Variants in FMN2 observed in about 807,000 individuals in gnomAD.
FMN2 encodes the protein formin 2.
A neutral mutation model predicts 142.3 loss-of-function variants in FMN2; 51 were observed. The ratio of observed to expected loss-of-function variants is 0.36; its 90% CI spans 0.29 to 0.45. The LOEUF is 0.45. Ranked by LOEUF, FMN2 falls within the 20% of genes least tolerant of loss-of-function variation. FMN2 has a pLI of 1.00. For synonymous variants in FMN2, 882 were observed against 869.8 expected, an observed-to-expected ratio of 1.01 and a Z score of -0.25; for missense variants, 1,936 against 2,122.8, an observed-to-expected ratio of 0.91 and a Z score of 1.73.
At chr1:240,313,947 G>T (rs751593204) in intron 8 of FMN2, among the ~76,000 whole-genome samples, 1 of 152,110 alleles carries the variant, frequency 6.6e-6, no homozygotes. Context: ...GCACACTTCA[G>T]CCTGGGCAAC....
chr1:240,131,442 C>T (rs1662732285), intron 2 of FMN2, among the ~76,000 whole-genome samples: 3 of 152,204 alleles, frequency 2.0e-5, no homozygotes, highest in Admixed American at 2.0e-4. Context: ...TGCGGTGGCT[C>T]ACACGCCTGT....
chr1:240,407,871 A>G (rs977350654), intron 15 of FMN2, among the ~76,000 whole-genome samples: 10 of 152,152 alleles, frequency 6.6e-5, no homozygotes, highest in African/African-American at 1.4e-4. Context: ...ATATGTTTTA[A>G]TCCCTCTAGT....
intron 2 of FMN2, among the ~76,000 whole-genome samples, chr1:240,128,472 C>T (rs1166161826): frequency 6.6e-6 from 1 of 152,094 alleles, no homozygotes; most frequent in Non-Finnish European, 1.5e-5. Context: ...CTACTTAATC[C>T]TTCATGAGCT....
At chr1:240,148,423 A>G (rs1663604790) in intron 2 of FMN2, among the ~76,000 whole-genome samples, 1 of 147,966 alleles carries the variant, frequency 6.8e-6, no homozygotes, top group Non-Finnish European at 1.5e-5. Flanking sequence ...CAGACAGGAA[A>G]GATACAGAAA....
Position 240,331,044 on chromosome 1 carries a change from A to G in FMN2, c.4584+295A>G, listed in dbSNP as rs2103015457. Among the ~76,000 whole-genome samples, 2 of 152,268 alleles carry G rather than the reference A, an allele frequency of 1.3e-5. 1 individual carries two copies. The highest frequency in any genetic ancestry group is 4.1e-4 in the South Asian group (2 of 4,820). ...TTAATATAAAACAATAATTTCTTTT[A>G]CCATATCTTTCCCATGTCTGCTAAT... On this transcript the variant is annotated intron_variant, in intron 11 of 17. Coordinates refer to ENST00000319653, the MANE Select transcript of FMN2 (RefSeq NM_020066.5).
chr1:240,334,446 T>G (rs1280123960), intron 13 of FMN2, among the ~76,000 whole-genome samples: 1 of 152,252 alleles, frequency 6.6e-6, no homozygotes, highest in Admixed American at 6.5e-5. Context: ...ATATCTTGGT[T>G]ATTTCAATTA....
chr1:240,127,965 G>A (rs568013648), intron 2 of FMN2, among the ~76,000 whole-genome samples: 59 of 152,292 alleles, frequency 3.9e-4, no homozygotes, highest in Admixed American at 2.7e-3. Context: ...TGGGACTTCT[G>A]GTGGGGCAGA....
At chr1:240,145,708 C>A (rs987307057) in intron 2 of FMN2, among the ~76,000 whole-genome samples, 1 of 151,740 alleles carries the variant, frequency 6.6e-6, no homozygotes. Flanking sequence ...CAGGTTCTGG[C>A]TATGTTGCAC....
intron 14 of FMN2, among the ~76,000 whole-genome samples, chr1:240,364,314 C>T (rs564583167): frequency 1.3e-5 from 2 of 152,040 alleles, no homozygotes; most frequent in South Asian, 2.1e-4. Flanking sequence ...GTGGTAGAAA[C>T]CATAAATACA....
At chr1:240,104,784 G>A (rs994595439) in intron 1 of FMN2, among the ~76,000 whole-genome samples, 1 of 152,072 alleles carries the variant, frequency 6.6e-6, no homozygotes, top group Non-Finnish European at 1.5e-5. Context: ...AAGTCCTGCT[G>A]GGTTGTTCAA....
intron 7 of FMN2, among the ~76,000 whole-genome samples, chr1:240,292,303 G>C (rs1299368447): frequency 2.0e-5 from 3 of 152,096 alleles, no homozygotes; most frequent in African/African-American, 7.2e-5. Flanking sequence ...AAATAAGTAA[G>C]TAGGTAAGTA....
At chr1:240,462,614 GCAT>G (rs1293574480) in intron 16 of FMN2, among the ~76,000 whole-genome samples, 1 of 152,108 alleles carries the variant, frequency 6.6e-6, no homozygotes, top group East Asian at 1.9e-4. Flanking sequence ...GTTTTACTGT[GCAT>G]CATCATCCAT....
At chr1:240,122,333 G>T (rs1302074904) in intron 1 of FMN2, among the ~76,000 whole-genome samples, 1 of 151,944 alleles carries the variant, frequency 6.6e-6, no homozygotes, top group South Asian at 2.1e-4. Flanking sequence ...GTGCGATCTC[G>T]GCTCACTGCA....
At position 240,092,166 on chromosome 1, in the gene FMN2, C is replaced by A; in HGVS notation, c.57C>A (p.Gly19=). ...GCGCAGGTGATGCTTTGCACGAAGG[C>A]GGCGGTGGCGCCGAGGATGCGCTGG... is the stretch of plus-strand genomic sequence containing the variant. ...KRSAGDALHE[G]GGGAEDALGP... is the part of the protein sequence containing the mutation. The change falls in exon 1 of 18, where the codon GGC becomes GGA. Residue 19 remains glycine, a synonymous_variant. Transcript: ENST00000319653. The A allele has an allele frequency of 1.3e-6, 2 of 1,574,830 alleles. No homozygotes were observed. Among genetic ancestry groups the A allele is most frequent in the Non-Finnish European group, 8.6e-7 (1 of 1,160,962 alleles).
intron 16 of FMN2, among the ~76,000 whole-genome samples, chr1:240,452,019 G>A (rs950885341): frequency 6.6e-5 from 10 of 151,902 alleles, no homozygotes; most frequent in South Asian, 2.1e-4. Flanking sequence ...GTGAAACCCC[G>A]TCTCTACTAA....
At chr1:240,445,646 G>T (rs1434916901) in intron 16 of FMN2, among the ~76,000 whole-genome samples, 3 of 151,880 alleles carry the variant, frequency 2.0e-5, no homozygotes, top group African/African-American at 7.3e-5. Context: ...TCAGGCCCTG[G>T]TAAGTCATGG....
chr1:240,380,753 A>G (rs1673198386), intron 14 of FMN2, among the ~76,000 whole-genome samples: 1 of 151,990 alleles, frequency 6.6e-6, no homozygotes, highest in South Asian at 2.1e-4. Flanking sequence ...TCAGAGCAGA[A>G]CTAAATGAGA....
intron 1 of FMN2, 129 bp from the exon 2 acceptor site, chr1:240,123,050 T>C: frequency 1.0e-6 from 1 of 987,796 alleles, no homozygotes; most frequent in Admixed American, 2.7e-5. Flanking sequence ...AGAGGCTCCT[T>C]TCTGCGCTGT....
At chr1:240,197,152 G>C (rs769464555) in intron 4 of FMN2, among the ~76,000 whole-genome samples, 327 of 152,210 alleles carry the variant, frequency 2.1e-3, no homozygotes, top group Non-Finnish European at 4.0e-3. Flanking sequence ...AGGTTAAGTT[G>C]GTCACCAGTG....
Sources: allele counts gnomAD v4.1 joint callset (sites outside exome capture counted in the v4.1 genomes callset), GRCh38; gene constraint gnomAD v4.1.1; transcripts MANE v1.5; gene names NCBI Gene and HGNC (gene_info 2026-07-23, HGNC 2026-07-21).